The following FAM186A variants were observed in gnomAD, a reference collection of about 807,000 sequenced individuals.
FAM186A encodes family with sequence similarity 186 member A.
FAM186A carries 163 observed loss-of-function variants against 216.8 expected under a neutral mutation model. The ratio of observed to expected loss-of-function variants is 0.75; its 90% confidence interval spans 0.66 to 0.86. FAM186A has a LOEUF of 0.86. Ranked by LOEUF, FAM186A falls within the 40% of genes least tolerant of loss-of-function variation. The pLI, the probability that FAM186A is intolerant of heterozygous loss-of-function variation, is 0.00. For missense variants in FAM186A, 2,184 were observed against 2,746.2 expected, an observed-to-expected ratio of 0.80 and a Z score of 4.58; for synonymous variants, 805 against 1,025.3, an observed-to-expected ratio of 0.79 and a Z score of 4.10.
At chr12:50,372,900 T>A (rs1470146896) in intron 1 of FAM186A, among the ~76,000 whole-genome samples, 1 of 107,520 alleles carries the variant, frequency 9.3e-6, no homozygotes, top group African/African-American at 3.7e-5. Flanking sequence ...CAAGACTCCG[T>A]CTAAAAAAAA....
intron 3 of FAM186A, among the ~76,000 whole-genome samples, chr12:50,359,398 CA>C (rs1032485004): frequency 6.7e-6 from 1 of 149,632 alleles, no homozygotes; most frequent in Non-Finnish European, 1.5e-5. Flanking sequence ...AACTCCGTCT[CA>C]AAAAAAAAGA....
intron 2 of FAM186A, among the ~76,000 whole-genome samples, chr12:50,362,471 G>A (rs941030420): frequency 4.4e-4 from 67 of 152,072 alleles, no homozygotes; most frequent in African/African-American, 1.4e-3. Context: ...TAGGCCAGGC[G>A]CAGTGGCTCA....
chr12:50,381,891 T>G (rs1592632189), intron 1 of FAM186A, among the ~76,000 whole-genome samples: 1 of 151,820 alleles, frequency 6.6e-6, no homozygotes, highest in Non-Finnish European at 1.5e-5. Context: ...GCCCAGGAAG[T>G]TGAGGCTGCT....
At chr12:50,389,577 A>G (rs181716986) in intron 1 of FAM186A, among the ~76,000 whole-genome samples, 6 of 152,330 alleles carry the variant, frequency 3.9e-5, no homozygotes, top group African/African-American at 1.2e-4. Flanking sequence ...TACTCCTGAG[A>G]TAGAAGACCG....
intron 4 of FAM186A, among the ~76,000 whole-genome samples, chr12:50,345,139 TAAAAAACAAAACAAAAC>T (rs1750555857): frequency 6.6e-6 from 1 of 151,920 alleles, no homozygotes; most frequent in South Asian, 2.1e-4. Flanking sequence ...AAACTTCGTC[TAAAAAACAAAACAAAAC>T]AAAAAACAAA....
intron 4 of FAM186A, among the ~76,000 whole-genome samples, chr12:50,347,620 G>T (rs747982330): frequency 7.9e-5 from 12 of 151,270 alleles, no homozygotes; most frequent in Non-Finnish European, 1.3e-4. Context: ...AGCTACTCTA[G>T]AGGCTGAGGG....
At chr12:50,385,979 T>C (rs1565897104) in intron 1 of FAM186A, among the ~76,000 whole-genome samples, 2 of 151,726 alleles carry the variant, frequency 1.3e-5, no homozygotes, top group African/African-American at 4.8e-5. Context: ...GATGGGCAGA[T>C]TGTGGAGATG....
At chr12:50,385,837 G>A (rs1943298238) in intron 1 of FAM186A, among the ~76,000 whole-genome samples, 1 of 151,898 alleles carries the variant, frequency 6.6e-6, no homozygotes, top group Non-Finnish European at 1.5e-5. Context: ...AGGAGGTGGA[G>A]CTTGCAGTGA....
At chr12:50,365,418 G>A (rs993468302) in intron 1 of FAM186A, among the ~76,000 whole-genome samples, 1 of 152,038 alleles carries the variant, frequency 6.6e-6, no homozygotes, top group Non-Finnish European at 1.5e-5. Context: ...TTAAAGTATA[G>A]GTAGTTTATC....
Position 50,350,321 on chromosome 12 carries a change from A to T in FAM186A, c.6503+8T>A, listed in dbSNP as rs1186207342. On this transcript the variant is annotated splice_region_variant and intron_variant, in intron 4 of 7. Coordinates refer to ENST00000327337, the MANE Select transcript of FAM186A (RefSeq NM_001145475.3). ...ACCAGAAAACTAGACGTAAATAATTATATCTACCTGGCATGCTGGATCAGC... is the reference window on the plus strand; with the variant it reads ...ACCAGAAAACTAGACGTAAATAATTTTATCTACCTGGCATGCTGGATCAGC... 1.3e-6 allele frequency: 2 copies of T among 1,504,236 alleles called. No individual in the cohort carries two copies. The highest frequency in any genetic ancestry group is 4.9e-5 in the Admixed American group (2 of 40,684). 93.2% of individuals were successfully genotyped at this position (1,504,236 alleles called of 1,614,324 possible). A position where few individuals can be genotyped will look rare whatever the true frequency, so the allele number is the denominator to read the frequency against.
chr12:50,352,090 G>T lies in FAM186A; in HGVS notation c.4742C>A (p.Pro1581His). The change falls in exon 4 of 8, where the codon CCT (proline) becomes CAT (histidine). Residue 1581 changes from proline (P) to histidine (H), a missense_variant. Around this residue, in one of 7 missense-constraint regions of FAM186A, gnomAD observed 16 missense variants for 91.3 expected, o/e 0.18. Coordinates refer to ENST00000327337, the MANE Select transcript of FAM186A (RefSeq NM_001145475.3). ...GATCCCCAGTTCCTGCGCCTGCTGA[G>T]GGGTGAGAGGGATCCCCAGGGCCTG... Reference protein sequence around the residue: ...QAQALGIPLTPQQAQELGIPL... With the variant: ...QAQALGIPLTHQQAQELGIPL... The T allele has an allele frequency of 6.5e-7, 1 of 1,537,558 alleles. No individual in the cohort carries two copies. Among genetic ancestry groups the T allele is most frequent in the Non-Finnish European group, 8.8e-7 (1 of 1,138,520 alleles).
intron 1 of FAM186A, among the ~76,000 whole-genome samples, chr12:50,370,612 A>G (rs1943134753): frequency 6.6e-6 from 1 of 152,190 alleles, no homozygotes; most frequent in African/African-American, 2.4e-5. Flanking sequence ...GATATTAAAA[A>G]TAGTATCACT....
intron 1 of FAM186A, among the ~76,000 whole-genome samples, chr12:50,385,417 CAAAAA>C (rs1281395536): frequency 1.9e-5 from 1 of 51,844 alleles, no homozygotes. Context: ...GACTCTGTCT[CAAAAA>C]AAAAAAAAAA....
rs888235740 is a variant in FAM186A at position 50,354,828 on chromosome 12, G to T, written c.2004C>A (p.Asn668Lys). Reference protein sequence around the residue: ...ESPDGKSEQSNLEEFQEAIMA... With the variant: ...ESPDGKSEQSKLEEFQEAIMA... ...TTATGGCTTCCTGAAATTCTTCGAG[G>T]TTACTCTGTTCACTTTTGCCATCTG... The change falls in exon 4 of 8, where the codon AAC (asparagine) becomes AAA (lysine). Residue 668 changes from asparagine to lysine, a missense_variant. Physicochemically the swap from Asn to Lys is moderately conservative, Grantham distance 94. This residue lies in a region of FAM186A where 1,132 missense variants were observed against 1,263.4 expected (regional missense o/e 0.90). Transcript: ENST00000327337. 1.9e-5 allele frequency: 30 copies of T among 1,542,132 alleles called. No individual in the cohort carries two copies. The Middle Eastern group carries it at 6.7e-4, about 34-fold the overall frequency.
chr12:50,330,893 T>G (rs1942650519), intron 6 of FAM186A, 135 bp from the exon 7 acceptor site: 1 of 678,622 alleles, frequency 1.5e-6, no homozygotes, highest in African/African-American at 1.9e-5. Context: ...GCATTAGCTA[T>G]GCCCACTTTG....
At chr12:50,365,942 G>A (rs1282533825) in intron 1 of FAM186A, 2 of 763,644 alleles carry the variant, frequency 2.6e-6, no homozygotes, top group Non-Finnish European at 4.8e-6. Context: ...CTGTCCATGT[G>A]GGCCCTCGCC....
Position 50,396,557 on chromosome 12 carries a change from C to T in FAM186A, c.-73G>A. On this transcript the variant is annotated 5_prime_UTR_variant, in exon 1 of 8. Coordinates refer to ENST00000327337, the MANE Select transcript of FAM186A (RefSeq NM_001145475.3). ...CTACAAAAATGCTAATAAAGATATC[C>T]AGTAGGAAGCTAGGAGAGGTCTTTC... The T allele has an allele frequency of 7.1e-7, 1 of 1,408,480 alleles. No homozygotes were observed. Among genetic ancestry groups the T allele is most frequent in the Non-Finnish European group, 9.5e-7 (1 of 1,048,856 alleles). The allele number at this position is 1,408,480 out of a possible 1,614,324, so 87.2% of individuals were successfully genotyped here.
rs77558084 is a variant in FAM186A, at chr12:50,332,288, A to G, written c.6697-467T>C. 4.9e-4 allele frequency among the ~76,000 whole-genome samples: 75 copies of G among 152,264 alleles called. No individual in the cohort carries two copies. The East Asian group carries it at 0.013, about 27-fold the overall frequency. ...ATTAGCTGATTTGGTATTTATAACA[A>G]CCTTATGCGGTATGTCTTATAATTA... On this transcript the variant is annotated intron_variant, in intron 5 of 7. Transcript: ENST00000327337.
At chr12:50,362,828 T>C (rs1380416840) in intron 2 of FAM186A, among the ~76,000 whole-genome samples, 2 of 151,264 alleles carry the variant, frequency 1.3e-5, no homozygotes, top group Non-Finnish European at 2.9e-5. Flanking sequence ...GAACATCTCA[T>C]TTTAAAGTGG....
Sources: allele counts gnomAD v4.1 joint callset (sites outside exome capture counted in the v4.1 genomes callset), GRCh38; gene constraint gnomAD v4.1.1; regional missense constraint gnomAD v4.1.1; transcripts MANE v1.5; gene names NCBI Gene and HGNC (gene_info 2026-07-23, HGNC 2026-07-21).